The following DLG2 variants were observed in gnomAD, a reference collection of about 807,000 sequenced individuals.
DLG2 encodes discs large MAGUK scaffold protein 2, also known as disks large homolog 2.
Under a neutral mutation model 132.5 loss-of-function variants are expected in DLG2, and 45 were observed. The observed-to-expected ratio is 0.34, with a 90% CI of 0.27 to 0.44. The LOEUF is 0.44. Ranked by LOEUF, DLG2 falls within the 20% of genes least tolerant of loss-of-function variation. The probability of loss-of-function intolerance (pLI) is 1.00; values close to 1 mark genes in which losing one functional copy is unlikely to be tolerated. For synonymous variants in DLG2, 424 were observed against 419.6 expected (o/e 1.01, Z -0.13); for missense variants, 1,045 against 1,196.9 (o/e 0.87, Z 1.87).
chr11:83,941,923 T>G (rs1411320412), intron 14 of DLG2, among the ~76,000 whole-genome samples: 1 of 152,238 alleles, frequency 6.6e-6, no homozygotes, highest in Non-Finnish European at 1.5e-5. Flanking sequence ...TCAGTACACA[T>G]GGCACCGGCT....
intron 6 of DLG2, among the ~76,000 whole-genome samples, chr11:84,635,392 C>A (rs2099638948): frequency 6.6e-6 from 1 of 152,054 alleles, no homozygotes; most frequent in Admixed American, 6.6e-5. Flanking sequence ...TAATTTATTG[C>A]CCAGTAGATG....
intron 7 of DLG2, among the ~76,000 whole-genome samples, chr11:84,468,803 T>G (rs2099101325): frequency 7.3e-5 from 11 of 151,662 alleles, no homozygotes; most frequent in Admixed American, 7.2e-4. Context: ...TTCCAGTTTC[T>G]CCTTTGTTAT....
chr11:85,619,908 T>C (rs2081585449), intron 2 of DLG2, among the ~76,000 whole-genome samples: 1 of 151,792 alleles, frequency 6.6e-6, no homozygotes, highest in African/African-American at 2.4e-5. Flanking sequence ...TTTGGTAAAA[T>C]GCTTGCAAAA....
intron 21 of DLG2, among the ~76,000 whole-genome samples, chr11:83,523,588 G>A (rs1354114712): frequency 1.3e-5 from 2 of 152,098 alleles, no homozygotes; most frequent in African/African-American, 4.8e-5. Context: ...TCTGCAAAAC[G>A]GGCATATTTA....
intron 6 of DLG2, among the ~76,000 whole-genome samples, chr11:84,903,618 C>T (rs2091169795): frequency 6.6e-6 from 1 of 152,060 alleles, no homozygotes; most frequent in Non-Finnish European, 1.5e-5. Context: ...ATAGATGTTT[C>T]AAAAAGTCAT....
At chr11:83,491,694 C>G (rs566884426) in intron 21 of DLG2, among the ~76,000 whole-genome samples, 1 of 151,934 alleles carries the variant, frequency 6.6e-6, no homozygotes, top group Non-Finnish European at 1.5e-5. Flanking sequence ...GGATGTTTTC[C>G]TTAACGTTGA....
At chr11:84,437,225 G>T (rs183571302) in intron 7 of DLG2, among the ~76,000 whole-genome samples, 1 of 152,060 alleles carries the variant, frequency 6.6e-6, no homozygotes, top group Non-Finnish European at 1.5e-5. Context: ...AGCAAGCTAG[G>T]CTCTAAGTGT....
At chr11:84,174,159 T>A (rs1340659992) in intron 8 of DLG2, among the ~76,000 whole-genome samples, 1 of 151,854 alleles carries the variant, frequency 6.6e-6, no homozygotes, top group Non-Finnish European at 1.5e-5. Flanking sequence ...AGGAGATTTT[T>A]TTTTTGTCAT....
At chr11:84,960,910 C>A (rs911763543) in intron 6 of DLG2, among the ~76,000 whole-genome samples, 1 of 152,092 alleles carries the variant, frequency 6.6e-6, no homozygotes, top group Non-Finnish European at 1.5e-5. Flanking sequence ...ATGCATAATA[C>A]ACTGGAGCTC....
rs532281447 is a variant in DLG2 at position 85,420,205 on chromosome 11, G to T, written c.41-134840C>A. Among the ~76,000 whole-genome samples, 58 of 152,172 alleles carry T rather than the reference G, an allele frequency of 3.8e-4. 1 individual carries two copies. Among genetic ancestry groups the T allele is most frequent in the Non-Finnish European group, 4.9e-4 (33 of 68,024 alleles). On this transcript the variant is annotated intron_variant, in intron 3 of 27. Coordinates refer to ENST00000376104, the MANE Select transcript of DLG2 (RefSeq NM_001142699.3). Reference sequence around the variant, plus strand: ...AGTCAGGCCCCTCTGCTGCAGGTCTGCTGGAGTTTGCTGGAGGTCTACTCC... The same window carrying T: ...AGTCAGGCCCCTCTGCTGCAGGTCTTCTGGAGTTTGCTGGAGGTCTACTCC...
intron 23 of DLG2, among the ~76,000 whole-genome samples, chr11:83,472,310 A>G (rs1265121885): frequency 1.3e-5 from 2 of 152,120 alleles, no homozygotes; most frequent in Non-Finnish European, 2.9e-5. Flanking sequence ...CTCTGTATAA[A>G]TGCCTCCAGG....
At chr11:84,141,095 A>G (rs1272497535) in intron 9 of DLG2, among the ~76,000 whole-genome samples, 1 of 152,174 alleles carries the variant, frequency 6.6e-6, no homozygotes, top group Non-Finnish European at 1.5e-5. Flanking sequence ...TCAATAAACA[A>G]TAGAGAGTTA....
intron 6 of DLG2, among the ~76,000 whole-genome samples, chr11:84,958,214 T>C (rs527688104): frequency 6.6e-6 from 1 of 152,298 alleles, no homozygotes; most frequent in Admixed American, 6.5e-5. Flanking sequence ...TTTATTCATA[T>C]ATATTTCCTG....
chr11:85,331,276 A>C (rs1277441359), intron 3 of DLG2, among the ~76,000 whole-genome samples: 1 of 152,158 alleles, frequency 6.6e-6, no homozygotes, highest in East Asian at 1.9e-4. Flanking sequence ...ACGCCCTATA[A>C]AAAGGGTTCC....
chr11:84,958,879 G>C (rs1056620147), intron 6 of DLG2, among the ~76,000 whole-genome samples: 2 of 152,094 alleles, frequency 1.3e-5, no homozygotes, highest in African/African-American at 4.8e-5. Flanking sequence ...ACTGACCACA[G>C]ACCCAAGCTT....
intron 6 of DLG2, among the ~76,000 whole-genome samples, chr11:84,839,416 T>G (rs866637902): frequency 1.3e-5 from 2 of 151,934 alleles, no homozygotes; most frequent in Admixed American, 6.6e-5. Context: ...TGGCCATACT[T>G]CCCAAGGTAA....
intron 19 of DLG2, among the ~76,000 whole-genome samples, chr11:83,589,533 A>C (rs1450239829): frequency 2.6e-5 from 4 of 152,108 alleles, no homozygotes; most frequent in Admixed American, 2.6e-4. Flanking sequence ...CCACTGCAAA[A>C]TCATGCCAAA....
intron 5 of DLG2, among the ~76,000 whole-genome samples, chr11:85,114,531 G>T (rs1241210369): frequency 6.6e-6 from 1 of 151,924 alleles, no homozygotes; most frequent in Admixed American, 6.6e-5. Flanking sequence ...TCGGGGATTT[G>T]CAATGCTGAC....
At chr11:84,809,885 G>T (rs1056552973) in intron 6 of DLG2, among the ~76,000 whole-genome samples, 2 of 151,836 alleles carry the variant, frequency 1.3e-5, no homozygotes, top group Admixed American at 6.6e-5. Context: ...GGGGTCCAAG[G>T]CAAAATGGAC....
Sources: gnomAD v4.1 joint callset for allele counts (sites outside exome capture counted in the v4.1 genomes callset) on GRCh38, gnomAD v4.1.1 for gene constraint, MANE v1.5 for transcripts, NCBI Gene and HGNC (gene_info 2026-07-23, HGNC 2026-07-21) for gene names.